FHOD3: variants seen among roughly 807,000 people sequenced by gnomAD.
The protein encoded by FHOD3 is FH1/FH2 domain-containing protein 3.
FHOD3 carries 90 observed loss-of-function variants against 173.0 expected under a neutral mutation model. That is an observed-to-expected ratio of 0.52 (90% CI 0.44 to 0.62). The LOEUF (loss-of-function observed/expected upper bound fraction) is 0.62. Ranked by LOEUF, FHOD3 falls within the 20% of genes least tolerant of loss-of-function variation. The probability of loss-of-function intolerance (pLI) is 0.00; values close to 1 mark genes in which losing one functional copy is unlikely to be tolerated. For missense variants in FHOD3, 1,945 were observed against 2,034.7 expected (o/e 0.96, Z 0.85); for synonymous variants, 828 against 823.0 (o/e 1.01, Z -0.10).
chr18:36,500,920 G>A (rs1283640918), intron 3 of FHOD3, among the ~76,000 whole-genome samples: 1 of 152,144 alleles, frequency 6.6e-6, no homozygotes, highest in African/African-American at 2.4e-5. Context: ...GTGGGTGCTG[G>A]GAGGCTAAGC....
chr18:36,532,932 C>T (rs2056846319), intron 5 of FHOD3, among the ~76,000 whole-genome samples: 1 of 152,314 alleles, frequency 6.6e-6, no homozygotes, highest in Admixed American at 6.5e-5. Flanking sequence ...CTACCATGTC[C>T]ATGTTTGATT....
At position 36,351,465 on chromosome 18, in the gene FHOD3, T is replaced by A. The variant is rs1251399478; in HGVS notation, c.166-4074T>A. 7.2e-5 allele frequency among the ~76,000 whole-genome samples: 11 copies of A among 152,324 alleles called. No homozygotes were observed. In the East Asian group the frequency reaches 2.1e-3, roughly 29 times the overall value. On this transcript the variant is annotated intron_variant, in intron 1 of 28. Coordinates refer to ENST00000590592, the MANE Select transcript of FHOD3 (RefSeq NM_001281740.3). ...CACCCATTTTGACAGTTGATTTAGA[T>A]GGTGTTTTATTCTTTTCTGTGTTTG...
intron 3 of FHOD3, among the ~76,000 whole-genome samples, chr18:36,444,946 C>G (rs1008622929): frequency 6.6e-6 from 1 of 152,164 alleles, no homozygotes; most frequent in African/African-American, 2.4e-5. Context: ...GGTATATTGT[C>G]AGGGTAAATT....
At chr18:36,428,064 C>T (rs60912461) in intron 3 of FHOD3, among the ~76,000 whole-genome samples, 2,081 of 152,268 alleles carry the variant, frequency 0.014, 36 homozygotes, top group African/African-American at 0.048. Context: ...TCTCCTAGGT[C>T]CTGAGTGAAG....
intron 20 of FHOD3, among the ~76,000 whole-genome samples, chr18:36,732,185 C>T (rs946999441): frequency 2.6e-5 from 4 of 152,178 alleles, no homozygotes; most frequent in Admixed American, 6.5e-5. Flanking sequence ...TCGTGGACAA[C>T]CACCAGCACT....
intron 17 of FHOD3, among the ~76,000 whole-genome samples, chr18:36,705,512 G>T (rs1249577933): frequency 6.6e-6 from 1 of 152,174 alleles, no homozygotes; most frequent in Non-Finnish European, 1.5e-5. Context: ...TCGTTATTGT[G>T]TCTGCTGGCA....
chr18:36,601,225 A>T (rs2031335014), intron 7 of FHOD3, among the ~76,000 whole-genome samples: 1 of 152,244 alleles, frequency 6.6e-6, no homozygotes, highest in Non-Finnish European at 1.5e-5. Context: ...AAGATTGCCC[A>T]GTTCTGACTG....
chr18:36,507,616 G>T (rs1470764484), intron 4 of FHOD3, among the ~76,000 whole-genome samples: 2 of 152,148 alleles, frequency 1.3e-5, no homozygotes, highest in Non-Finnish European at 2.9e-5. Flanking sequence ...TGAATGGACT[G>T]GGTAACTTGA....
rs2144956193 is a variant in FHOD3 at position 36,321,498 on chromosome 18, A to C, written c.165+23498A>C. On this transcript the variant is annotated intron_variant, in intron 1 of 28. Coordinates refer to ENST00000590592, the MANE Select transcript of FHOD3 (RefSeq NM_001281740.3). ...TTCTGTTTTTTCTCTCCTGGCTTGG[A>C]GCTTTCTGCAAATGGGACTGCTGCT... Among the ~76,000 whole-genome samples, 4 of 152,276 alleles carry C rather than the reference A, an allele frequency of 2.6e-5. No homozygotes were observed. The South Asian group carries it at 8.3e-4, about 32-fold the overall frequency.
chr18:36,752,461 C>G (rs2042443806), intron 24 of FHOD3, among the ~76,000 whole-genome samples: 2 of 152,152 alleles, frequency 1.3e-5, no homozygotes, highest in Non-Finnish European at 1.5e-5. Flanking sequence ...TTGACTTGTG[C>G]TTTGGCTTAC....
intron 3 of FHOD3, among the ~76,000 whole-genome samples, chr18:36,480,088 C>G (rs2053800515): frequency 6.6e-6 from 1 of 152,198 alleles, no homozygotes; most frequent in African/African-American, 2.4e-5. Flanking sequence ...AGCAAATGTA[C>G]TTTCTGTAAA....
intron 6 of FHOD3, among the ~76,000 whole-genome samples, chr18:36,593,017 A>G (rs1346097684): frequency 6.6e-6 from 1 of 152,148 alleles, no homozygotes; most frequent in Non-Finnish European, 1.5e-5. Flanking sequence ...AGTAAAGAGG[A>G]GTGAACTCAG....
chr18:36,472,280 T>C (rs1396385634), intron 3 of FHOD3, among the ~76,000 whole-genome samples: 1 of 152,232 alleles, frequency 6.6e-6, no homozygotes, highest in Non-Finnish European at 1.5e-5. Flanking sequence ...TGGCAACCTC[T>C]CTCTCACAAT....
chr18:36,760,636 C>T lies in FHOD3; in HGVS notation c.4478C>T (p.Ala1493Val), dbSNP rs868223405. 3.8e-6 allele frequency: 6 copies of T among 1,587,898 alleles called. No individual in the cohort carries two copies. The highest frequency in any genetic ancestry group is 5.2e-6 in the Non-Finnish European group (6 of 1,165,002). The change falls in exon 27 of 29, where the codon GCG (alanine) becomes GTG (valine). Residue 1493 changes from alanine (A) to valine (V), a missense_variant. Physicochemically the swap from Ala to Val is moderately conservative, Grantham distance 64. This residue lies in a region of FHOD3 where 354 missense variants were observed against 359.9 expected (regional missense o/e 0.98). Coordinates refer to ENST00000590592, the MANE Select transcript of FHOD3 (RefSeq NM_001281740.3). Reference protein sequence around the residue: ...ESGKFSGSSPAPPSQPQGLSY... With the variant: ...ESGKFSGSSPVPPSQPQGLSY... ...GGCAAGTTCTCCGGCAGTTCTCCGG[C>T]GCCCCCAAGCCAGCCGCAGGGTCTG... is the stretch of plus-strand genomic sequence containing the variant.
chr18:36,313,862 G>C (rs1043133005), intron 1 of FHOD3, among the ~76,000 whole-genome samples: 3 of 151,600 alleles, frequency 2.0e-5, no homozygotes, highest in Non-Finnish European at 4.4e-5. Context: ...TATTTGGCAA[G>C]TTATCCTTTG....
intron 3 of FHOD3, among the ~76,000 whole-genome samples, chr18:36,405,406 ATTC>A (rs1463360607): frequency 3.9e-5 from 6 of 152,374 alleles, no homozygotes; most frequent in East Asian, 1.9e-4. Flanking sequence ...CTATGGAGAT[ATTC>A]TTCTTTCCTT....
chr18:36,605,739 ATGAGTAAACTCCTC>A (rs1384966146), intron 8 of FHOD3, among the ~76,000 whole-genome samples: 1 of 152,204 alleles, frequency 6.6e-6, no homozygotes, highest in Non-Finnish European at 1.5e-5. Context: ...ATGTTGCCCA[ATGAGTAAACTCCTC>A]TGAGATACCA....
intron 3 of FHOD3, among the ~76,000 whole-genome samples, chr18:36,415,921 T>C (rs1227104138): frequency 6.6e-6 from 1 of 152,244 alleles, no homozygotes; most frequent in African/African-American, 2.4e-5. Context: ...CCTAACCAGA[T>C]GACTGTCTTT....
chr18:36,646,632 C>G (rs879860591), intron 10 of FHOD3, among the ~76,000 whole-genome samples: 3 of 151,990 alleles, frequency 2.0e-5, no homozygotes, highest in Non-Finnish European at 4.4e-5. Context: ...AATTGCGTAT[C>G]GATGTAGGGA....
Sources: gnomAD v4.1 joint callset for allele counts (sites outside exome capture counted in the v4.1 genomes callset) on GRCh38, gnomAD v4.1.1 for gene constraint, gnomAD v4.1.1 regional missense constraint, MANE v1.5 for transcripts, NCBI Gene and HGNC (gene_info 2026-07-23, HGNC 2026-07-21) for gene names.